Variants in FOXN3 observed in about 807,000 individuals in gnomAD.
FOXN3 encodes forkhead box protein N3.
In FOXN3, 7 loss-of-function variants were observed where a neutral mutation model predicts 38.4. That is an observed-to-expected ratio of 0.18 (90% CI 0.10 to 0.34). The LOEUF (loss-of-function observed/expected upper bound fraction) is 0.34. FOXN3 is among the 10% of genes least tolerant of loss of function. The pLI, the probability that FOXN3 is intolerant of heterozygous loss-of-function variation, is 1.00. For synonymous variants in FOXN3, 230 were observed against 242.2 expected (o/e 0.95, Z 0.47); for missense variants, 456 against 613.4 (o/e 0.74, Z 2.71).
chr14:89,407,594 G>A (rs1891428359), intron 2 of FOXN3, among the ~76,000 whole-genome samples: 1 of 152,200 alleles, frequency 6.6e-6, no homozygotes, highest in African/African-American at 2.4e-5. Flanking sequence ...CACTGTGGGA[G>A]GCTGGGGCAG....
intron 3 of FOXN3, among the ~76,000 whole-genome samples, chr14:89,347,317 T>C (rs1888790402): frequency 6.6e-6 from 1 of 152,118 alleles, no homozygotes; most frequent in Admixed American, 6.5e-5. Flanking sequence ...AGAAAACGAA[T>C]GCCAAGTGAA....
At chr14:89,306,297 AAC>A (rs149364423) in intron 3 of FOXN3, among the ~76,000 whole-genome samples, 3 of 150,628 alleles carry the variant, frequency 2.0e-5, no homozygotes, top group Admixed American at 6.6e-5. Flanking sequence ...AGAAAAGCTC[AAC>A]ACACACACAC....
intron 3 of FOXN3, among the ~76,000 whole-genome samples, chr14:89,302,925 G>C (rs1887264222): frequency 6.6e-6 from 1 of 152,094 alleles, no homozygotes; most frequent in South Asian, 2.1e-4. Flanking sequence ...TTATGTGTAG[G>C]GCATTCTTTG....
At chr14:89,347,256 G>A (rs1888788620) in intron 3 of FOXN3, among the ~76,000 whole-genome samples, 1 of 152,188 alleles carries the variant, frequency 6.6e-6, no homozygotes, top group Admixed American at 6.5e-5. Flanking sequence ...AAGCCAATAC[G>A]ACCAGTGTGT....
At chr14:89,191,522 T>C (rs1887942150) in intron 4 of FOXN3, among the ~76,000 whole-genome samples, 1 of 152,192 alleles carries the variant, frequency 6.6e-6, no homozygotes, top group Non-Finnish European at 1.5e-5. Flanking sequence ...GGCTCGCACT[T>C]GTCAGTTTTT....
intron 4 of FOXN3, among the ~76,000 whole-genome samples, chr14:89,205,582 G>A (rs946507211): frequency 1.3e-5 from 2 of 152,248 alleles, no homozygotes; most frequent in African/African-American, 2.4e-5. Context: ...GGCCATCGAC[G>A]GCGGGACGAC....
At chr14:89,435,544 C>T (rs1208431632) in intron 1 of FOXN3, among the ~76,000 whole-genome samples, 1 of 152,154 alleles carries the variant, frequency 6.6e-6, no homozygotes, top group African/African-American at 2.4e-5. Context: ...TGTGGTACGA[C>T]AGCCAAAGCA....
chr14:89,488,914 C>T (rs1382912875), intron 1 of FOXN3, among the ~76,000 whole-genome samples: 1 of 152,132 alleles, frequency 6.6e-6, no homozygotes, highest in African/African-American at 2.4e-5. Flanking sequence ...ATGACTTAGT[C>T]ACCAAAACAG....
chr14:89,301,814 G>T (rs1036527179), intron 3 of FOXN3, among the ~76,000 whole-genome samples: 2 of 151,984 alleles, frequency 1.3e-5, no homozygotes, highest in Non-Finnish European at 2.9e-5. Context: ...GTCTCCCAAG[G>T]CAACAAAGTA....
intron 1 of FOXN3, among the ~76,000 whole-genome samples, chr14:89,501,439 C>T (rs1167357824): frequency 2.0e-5 from 3 of 152,144 alleles, no homozygotes; most frequent in Non-Finnish European, 4.4e-5. Flanking sequence ...CCTTGTTGCT[C>T]CAGTATTCCC....
At chr14:89,594,452 C>T (rs1896017223) in intron 1 of FOXN3, among the ~76,000 whole-genome samples, 1 of 152,048 alleles carries the variant, frequency 6.6e-6, no homozygotes, top group African/African-American at 2.4e-5. Context: ...TTTATATTTC[C>T]CTGAAGACTT....
At chr14:89,340,869 C>T (rs746873214) in intron 3 of FOXN3, among the ~76,000 whole-genome samples, 1 of 152,072 alleles carries the variant, frequency 6.6e-6, no homozygotes, top group Non-Finnish European at 1.5e-5. Flanking sequence ...TGACACAGAA[C>T]GAAGAGTAAC....
intron 1 of FOXN3, among the ~76,000 whole-genome samples, chr14:89,524,599 G>C (rs1239888869): frequency 6.6e-6 from 1 of 151,500 alleles, no homozygotes; most frequent in Non-Finnish European, 1.5e-5. Context: ...TACAACAGAT[G>C]ACAAATATCA....
intron 2 of FOXN3, among the ~76,000 whole-genome samples, chr14:89,375,456 G>A (rs961632608): frequency 1.3e-5 from 2 of 152,120 alleles, no homozygotes; most frequent in Admixed American, 1.3e-4. Context: ...TATCCTAGTA[G>A]ATGTACATCC....
intron 1 of FOXN3, among the ~76,000 whole-genome samples, chr14:89,570,408 G>A (rs1895467725): frequency 6.6e-6 from 1 of 152,130 alleles, no homozygotes; most frequent in African/African-American, 2.4e-5. Flanking sequence ...CACCCAAGCA[G>A]TGTGGAGGGC....
At chr14:89,303,662 A>G (rs1039497817) in intron 3 of FOXN3, among the ~76,000 whole-genome samples, 1 of 152,204 alleles carries the variant, frequency 6.6e-6, no homozygotes, top group Non-Finnish European at 1.5e-5. Context: ...TGATGCTTAC[A>G]TAACTACCTC....
At chr14:89,447,780 C>T (rs1424980166) in intron 1 of FOXN3, among the ~76,000 whole-genome samples, 1 of 149,370 alleles carries the variant, frequency 6.7e-6, no homozygotes, top group Non-Finnish European at 1.5e-5. Flanking sequence ...AGTTGAAAGT[C>T]ATCATCCGCA....
chr14:89,568,021 C>A (rs1470000273), intron 1 of FOXN3, among the ~76,000 whole-genome samples: 1 of 152,074 alleles, frequency 6.6e-6, no homozygotes, highest in Non-Finnish European at 1.5e-5. Context: ...CGCGCCCGGC[C>A]AAATCTCGTT....
Position 89,484,287 on chromosome 14 carries a change from G to GA in FOXN3, c.-14-71798dup, listed in dbSNP as rs1465298039. On this transcript the variant is annotated intron_variant, in intron 1 of 6. Coordinates refer to the FOXN3 transcript ENST00000345097. This position sits in a 1 kb window ranked among gnomAD's most constrained non-coding sequence, Gnocchi z 4.0. ...TACGTCACACAACTGCCTAGGCCAG[G>GA]AGTTGGTAAGCTTTTCCCATAAAAG... Among the ~76,000 whole-genome samples the GA allele has an allele frequency of 6.6e-6, 1 of 152,188 alleles. No individual in the cohort carries two copies. Among genetic ancestry groups the GA allele is most frequent in the Admixed American group, 6.5e-5 (1 of 15,276 alleles).
Sources: gnomAD v4.1 joint callset for allele counts (sites outside exome capture counted in the v4.1 genomes callset) on GRCh38, gnomAD v4.1.1 for gene constraint, Gnocchi (gnomAD v3.1) non-coding constraint, MANE v1.5 for transcripts, NCBI Gene and HGNC (gene_info 2026-07-23, HGNC 2026-07-21) for gene names.